DNAJC27: variants seen among roughly 807,000 people sequenced by gnomAD.
DNAJC27 encodes dnaJ homolog subfamily C member 27.
DNAJC27 carries 25 observed loss-of-function variants against 31.4 expected under a neutral mutation model. The observed-to-expected ratio is 0.80, with a 90% CI of 0.58 to 1.11. The LOEUF (loss-of-function observed/expected upper bound fraction) is 1.11. Ranked by LOEUF, DNAJC27 falls within the 50% of genes most tolerant of loss-of-function variation. The pLI is 0.00. For missense variants in DNAJC27, 356 were observed against 347.3 expected (o/e 1.02, Z -0.20); for synonymous variants, 106 against 112.7 (o/e 0.94, Z 0.37).
chr2:24,971,695 C>G, intron 1 of DNAJC27, 123 bp downstream of exon 1: 2 of 811,148 alleles, frequency 2.5e-6, no homozygotes, highest in South Asian at 1.8e-5. Flanking sequence ...TCGGCTGAGA[C>G]CCGGGCCTGC....
chr2:24,971,184 G>A (rs900860812), intron 1 of DNAJC27, among the ~76,000 whole-genome samples: 1 of 152,180 alleles, frequency 6.6e-6, no homozygotes, highest in Admixed American at 6.5e-5. Context: ...TACTAAAGGA[G>A]AGTTTATAGC....
At chr2:24,964,462 A>T (rs1202282994) in intron 2 of DNAJC27, among the ~76,000 whole-genome samples, 1 of 152,042 alleles carries the variant, frequency 6.6e-6, no homozygotes, top group Non-Finnish European at 1.5e-5. Flanking sequence ...TCAAACACAA[A>T]AGAAAAACAC....
At chr2:24,961,460 T>A (rs750100514) in intron 3 of DNAJC27, among the ~76,000 whole-genome samples, 12 of 152,134 alleles carry the variant, frequency 7.9e-5, no homozygotes, top group Non-Finnish European at 1.6e-4. Context: ...TTTGAAGTCT[T>A]ACTGTTTAAA....
intron 5 of DNAJC27, among the ~76,000 whole-genome samples, chr2:24,954,109 G>C (rs1665847418): frequency 6.6e-6 from 1 of 152,164 alleles, no homozygotes; most frequent in Non-Finnish European, 1.5e-5. Context: ...CTGCAGAGCA[G>C]GCCATTGGAG....
At position 24,947,549 on chromosome 2, in the gene DNAJC27, G is replaced by A. The variant is rs1480654547; in HGVS notation, c.*67C>T. 4.8e-5 allele frequency: 73 copies of A among 1,526,946 alleles called. No homozygotes were observed. The highest frequency in any genetic ancestry group is 5.9e-5 in the Non-Finnish European group (66 of 1,125,960). 94.6% of individuals were successfully genotyped at this position (1,526,946 alleles called of 1,614,324 possible). A position where few individuals can be genotyped will look rare whatever the true frequency, so the allele number is the denominator to read the frequency against. On this transcript the variant is annotated 3_prime_UTR_variant, in exon 7 of 7. Transcript: ENST00000264711. ...ATTCTGGGAAGGAAAACTCCACGTT[G>A]GTTATTTCACCTCTAGGGAAAGTCT... is the stretch of plus-strand genomic sequence containing the variant.
Position 24,947,390 on chromosome 2 carries a change from T to C in DNAJC27, c.*226A>G. The stretch of plus-strand genomic sequence containing the variant: ...AAAAATTCAGAATTATCTAGAAATA[T>C]GAAATGAAGTACAGGGTGTGACGCT... On this transcript the variant is annotated 3_prime_UTR_variant, in exon 7 of 7. Coordinates refer to ENST00000264711, the MANE Select transcript of DNAJC27 (RefSeq NM_016544.3). The C allele has an allele frequency of 2.3e-6, 1 of 427,648 alleles. No homozygotes were observed. Among genetic ancestry groups the C allele is most frequent in the Non-Finnish European group, 4.1e-6 (1 of 242,736 alleles). 26.5% of individuals were successfully genotyped at this position (427,648 alleles called of 1,614,324 possible).
Position 24,947,469 on chromosome 2 carries a change from G to C in DNAJC27, c.*147C>G, listed in dbSNP as rs903149010. 1.1e-6 allele frequency: 1 copy of C among 937,460 alleles called. No homozygotes were observed. The highest frequency in any genetic ancestry group is 1.6e-6 in the Non-Finnish European group (1 of 629,900). 58.1% of individuals were successfully genotyped at this position (937,460 alleles called of 1,614,324 possible). ...TTCTCAGTAAAATGTCTATGAAATG[G>C]GTACCTGAATTACTGATATACAAAT... On this transcript the variant is annotated 3_prime_UTR_variant, in exon 7 of 7. Transcript: ENST00000264711.
chr2:24,962,071 C>A (rs1666055092), intron 3 of DNAJC27, among the ~76,000 whole-genome samples: 1 of 152,120 alleles, frequency 6.6e-6, no homozygotes. Flanking sequence ...TAAGAAACTG[C>A]CACATCAACC....
chr2:24,959,116 T>C (rs917747650), intron 3 of DNAJC27, among the ~76,000 whole-genome samples: 3 of 152,174 alleles, frequency 2.0e-5, no homozygotes, highest in Non-Finnish European at 2.9e-5. Flanking sequence ...CACCAGTCCT[T>C]TCCCTCAGTA....
intron 3 of DNAJC27, among the ~76,000 whole-genome samples, chr2:24,959,438 C>G (rs977420458): frequency 1.3e-4 from 20 of 152,234 alleles, no homozygotes; most frequent in Non-Finnish European, 2.4e-4. Context: ...TTCTAATTAG[C>G]ACAACATTCT....
intron 5 of DNAJC27, 101 bp from the exon 6 acceptor site, chr2:24,951,655 C>T (rs1225671667): frequency 9.9e-7 from 1 of 1,005,036 alleles, no homozygotes; most frequent in Non-Finnish European, 1.4e-6. Flanking sequence ...TCCAGCAACT[C>T]TTAGAAGTCA....
At chr2:24,958,679 A>G in intron 3 of DNAJC27, 1 of 201,170 alleles carries the variant, frequency 5.0e-6, no homozygotes, top group Non-Finnish European at 1.1e-5. Context: ...CAAAGTACTT[A>G]GCATGGTGCC....
Position 24,961,155 on chromosome 2 carries a change from C to G in DNAJC27, c.240+2250G>C, listed in dbSNP as rs181574036. On this transcript the variant is annotated intron_variant, in intron 3 of 6. Coordinates refer to ENST00000264711, the MANE Select transcript of DNAJC27 (RefSeq NM_016544.3). ...GATGCTCATTTGCCATAATGAAAAT[C>G]CTAGGGCCCTTAAGAATTATGCTAA... Among the ~76,000 whole-genome samples the G allele has an allele frequency of 2.0e-5, 3 of 152,258 alleles. No homozygotes were observed. In the East Asian group the frequency reaches 5.8e-4, roughly 29 times the overall value.
chr2:24,955,710 AAT>A (rs1665889414), intron 5 of DNAJC27, among the ~76,000 whole-genome samples: 1 of 152,240 alleles, frequency 6.6e-6, no homozygotes, highest in Non-Finnish European at 1.5e-5. Context: ...TACAGAGATT[AAT>A]AAGAGTCAGA....
intron 5 of DNAJC27, among the ~76,000 whole-genome samples, chr2:24,952,956 G>A (rs1448764642): frequency 3.3e-5 from 5 of 151,496 alleles, no homozygotes; most frequent in African/African-American, 4.9e-5. Flanking sequence ...GTCTCTCTAT[G>A]TTGGCCAGGC....
upstream of DNAJC27, chr2:24,972,049 A>C (rs1666360620): frequency 1.7e-6 from 1 of 600,100 alleles, no homozygotes; most frequent in South Asian, 2.4e-5. Context: ...GCTGCCTGGC[A>C]GCAGGCGCGG....
intron 5 of DNAJC27, among the ~76,000 whole-genome samples, chr2:24,951,972 G>A (rs1665786069): frequency 6.6e-6 from 1 of 152,096 alleles, no homozygotes; most frequent in South Asian, 2.1e-4. Context: ...AAAATTACCC[G>A]AGTGTGGTGG....
chr2:24,957,029 A>G lies in DNAJC27; in HGVS notation c.528+14T>C, dbSNP rs574339540. 6.2e-7 allele frequency: 1 copy of G among 1,601,824 alleles called. No individual in the cohort carries two copies. Among genetic ancestry groups the G allele is most frequent in the African/African-American group, 1.3e-5 (1 of 74,290 alleles). ...CCTTGACACAAACCTTAAAACAACA[A>G]AATGCTAGCTTACCTGGAACATCTC... On this transcript the variant is annotated intron_variant, in intron 5 of 6. Coordinates refer to ENST00000264711, the MANE Select transcript of DNAJC27 (RefSeq NM_016544.3).
At chr2:24,972,017 T>C (rs991170493), upstream of DNAJC27, 1 of 766,596 alleles carries the variant, frequency 1.3e-6, no homozygotes, top group Non-Finnish European at 1.9e-6. Context: ...CCGCCTCGCC[T>C]CCGCTGCTCG....
Sources: gnomAD v4.1 joint callset for allele counts (sites outside exome capture counted in the v4.1 genomes callset) on GRCh38, gnomAD v4.1.1 for gene constraint, MANE v1.5 for transcripts, NCBI Gene and HGNC (gene_info 2026-07-23, HGNC 2026-07-21) for gene names.